MTHFD1: variants seen among roughly 807,000 people sequenced by gnomAD.
The protein encoded by MTHFD1 is C-1-tetrahydrofolate synthase, cytoplasmic.
In MTHFD1, 44 loss-of-function variants were observed where a neutral mutation model predicts 110.3. That is an observed-to-expected ratio of 0.40 (90% CI 0.31 to 0.51). The LOEUF is 0.51. Among genes scored for constraint, MTHFD1 ranks in the 20% least tolerant of loss-of-function variants. The pLI is 0.60. For missense variants in MTHFD1, 909 were observed against 1,173.1 expected, an observed-to-expected ratio of 0.77 and a Z score of 3.29; for synonymous variants, 402 against 428.8, an observed-to-expected ratio of 0.94 and a Z score of 0.77.
At chr14:64,391,172 T>C (rs2077801352) in intron 1 of MTHFD1, among the ~76,000 whole-genome samples, 1 of 152,178 alleles carries the variant, frequency 6.6e-6, no homozygotes, top group African/African-American at 2.4e-5. Context: ...TCTTTCTTTC[T>C]TTTTATTTTT....
intron 16 of MTHFD1, among the ~76,000 whole-genome samples, chr14:64,437,149 T>G (rs1033201638): frequency 4.6e-5 from 7 of 151,942 alleles, no homozygotes; most frequent in Non-Finnish European, 8.8e-5. Context: ...TTTGTTCATT[T>G]TGTGTGTGTG....
chr14:64,444,882 A>G (rs1393137794), intron 22 of MTHFD1, 148 bp downstream of exon 22: 1 of 785,438 alleles, frequency 1.3e-6, no homozygotes, highest in African/African-American at 1.7e-5. Context: ...CTGAGGAGTT[A>G]TATTAAATGA....
At chr14:64,426,214 C>T in intron 11 of MTHFD1, 22 bp downstream of exon 11, 1 of 1,613,936 alleles carries the variant, frequency 6.2e-7, no homozygotes, top group Non-Finnish European at 8.5e-7. Flanking sequence ...ATTCATGTTG[C>T]CATCCAAATC....
intron 1 of MTHFD1, among the ~76,000 whole-genome samples, chr14:64,397,150 TA>T (rs1566553058): frequency 0.061 from 418 of 6,896 alleles, 55 homozygotes; most frequent in African/African-American, 0.33. Context: ...TATATATATA[TA>T]TATATATATA....
In MTHFD1 at chr14:64,434,587, A is replaced by G. The variant is rs562759667; in HGVS notation, c.1495-982A>G. The stretch of plus-strand genomic sequence containing the variant: ...ACAAAAGCAAAAATTGTTTCCAACA[A>G]CTTTATAAAACCCCAAAAGAAATCC... On this transcript the variant is annotated intron_variant, in intron 15 of 27. Coordinates refer to ENST00000652337, the MANE Select transcript of MTHFD1 (RefSeq NM_005956.4). 2.4e-4 allele frequency among the ~76,000 whole-genome samples: 36 copies of G among 152,266 alleles called. No individual in the cohort carries two copies. The East Asian group carries it at 6.9e-3, about 29-fold the overall frequency.
chr14:64,419,672 G>C (rs77746033), intron 7 of MTHFD1, 142 bp from the exon 8 acceptor site: 11 of 700,436 alleles, frequency 1.6e-5, no homozygotes, highest in African/African-American at 3.5e-5. Flanking sequence ...TACATTTGAG[G>C]CCTTAACCCA....
At chr14:64,398,601 G>A (rs574284362) in intron 1 of MTHFD1, among the ~76,000 whole-genome samples, 1 of 152,120 alleles carries the variant, frequency 6.6e-6, no homozygotes, top group Non-Finnish European at 1.5e-5. Context: ...AAAATCTTGG[G>A]TATGACTTCT....
intron 1 of MTHFD1, among the ~76,000 whole-genome samples, chr14:64,391,763 G>C (rs761863357): frequency 6.6e-6 from 1 of 152,210 alleles, no homozygotes. Flanking sequence ...ACCGGGGGAA[G>C]GTCTGAGAGT....
At chr14:64,407,357 G>A (rs1305535683) in intron 2 of MTHFD1, among the ~76,000 whole-genome samples, 2 of 151,852 alleles carry the variant, frequency 1.3e-5, no homozygotes. Context: ...CCCCACTACT[G>A]AGGAGGCTGA....
rs978562309 is a variant in MTHFD1, at chr14:64,448,053, C to T, written c.2179-164C>T. On this transcript the variant is annotated intron_variant, in intron 22 of 27. Transcript: ENST00000652337. ...GCAGTTCTCCATAGCATCCACTCAC[C>T]GCACTGGAAAAAATGCACCAAGGGA... The T allele has an allele frequency of 3.3e-5, 22 of 668,970 alleles. 1 individual carries two copies. The highest frequency in any genetic ancestry group is 3.9e-4 in the Middle Eastern group (1 of 2,572). The allele number at this position is 668,970 out of a possible 1,614,324, so 41.4% of individuals were successfully genotyped here.
chr14:64,400,990 C>G (rs1596532375), intron 2 of MTHFD1, 113 bp downstream of exon 2: 1 of 774,354 alleles, frequency 1.3e-6, no homozygotes, highest in East Asian at 2.7e-5. Context: ...TAATCTCATG[C>G]CTTTTCAGTC....
intron 1 of MTHFD1, among the ~76,000 whole-genome samples, chr14:64,391,442 G>A (rs182827913): frequency 6.6e-6 from 1 of 152,336 alleles, no homozygotes; most frequent in East Asian, 1.9e-4. Flanking sequence ...TAGGATTACA[G>A]GTGTGAGCCA....
At chr14:64,439,883 G>A (rs185582592) in intron 17 of MTHFD1, among the ~76,000 whole-genome samples, 1 of 117,564 alleles carries the variant, frequency 8.5e-6, no homozygotes, top group African/African-American at 3.4e-5. Flanking sequence ...AACAGACCGA[G>A]ACTCTGTCTC....
intron 8 of MTHFD1, among the ~76,000 whole-genome samples, chr14:64,420,797 C>T (rs1021057256): frequency 2.3e-4 from 35 of 152,182 alleles, no homozygotes; most frequent in African/African-American, 6.5e-4. Context: ...ATCTCACTTG[C>T]GCATGGTGAA....
chr14:64,406,621 T>C (rs1442166967), intron 2 of MTHFD1, among the ~76,000 whole-genome samples: 2 of 151,550 alleles, frequency 1.3e-5, no homozygotes, highest in African/African-American at 4.9e-5. Flanking sequence ...GCCTCCTGAG[T>C]AGCTGGGACT....
chr14:64,398,278 C>T (rs570347403), intron 1 of MTHFD1, among the ~76,000 whole-genome samples: 8 of 152,278 alleles, frequency 5.3e-5, no homozygotes, highest in African/African-American at 1.9e-4. Context: ...GGTGCAGTGG[C>T]TTATAACTGT....
rs151239181 is a variant in MTHFD1 at position 64,439,108 on chromosome 14, A to G, written c.1610A>G (p.Asn537Ser). 7.4e-6 allele frequency: 12 copies of G among 1,613,894 alleles called. No homozygotes were observed. Among genetic ancestry groups the G allele is most frequent in the Non-Finnish European group, 1.0e-5 (12 of 1,179,770 alleles). Reference sequence around the variant, plus strand: ...CTGTCTGCTGTAGTGTTGGATACCAATGATAGATTCCTGAGGAAGATCACG... The same window carrying G: ...CTGTCTGCTGTAGTGTTGGATACCAGTGATAGATTCCTGAGGAAGATCACG... ...TITWQRVLDT[N>S]DRFLRKITIG... Residue 537 changes from asparagine (N) to serine (S), a missense_variant, in exon 17 of 28, where the codon AAT (asparagine) becomes AGT (serine). Coordinates refer to ENST00000652337, the MANE Select transcript of MTHFD1 (RefSeq NM_005956.4).
chr14:64,397,198 A>C (rs1229562500), intron 1 of MTHFD1, among the ~76,000 whole-genome samples: 1 of 67,022 alleles, frequency 1.5e-5, no homozygotes, highest in Non-Finnish European at 2.7e-5. Context: ...TATAAAAAAC[A>C]GTAATCTATT....
chr14:64,414,814 C>G (rs945662001), intron 4 of MTHFD1, among the ~76,000 whole-genome samples: 15 of 151,774 alleles, frequency 9.9e-5, no homozygotes, highest in African/African-American at 1.7e-4. Context: ...CTCAGCCTCC[C>G]GAGTAGCTAG....
Sources: gnomAD v4.1 joint callset for allele counts (sites outside exome capture counted in the v4.1 genomes callset) on GRCh38, gnomAD v4.1.1 for gene constraint, MANE v1.5 for transcripts, NCBI Gene and HGNC (gene_info 2026-07-23, HGNC 2026-07-21) for gene names.